Variants in SPAG6 observed in about 807,000 individuals in gnomAD.
SPAG6 encodes the protein sperm associated antigen 6, also known as sperm-associated antigen 6.
SPAG6 carries 49 observed loss-of-function variants against 58.5 expected under a neutral mutation model. The observed-to-expected ratio is 0.84, with a 90% CI of 0.67 to 1.06. The LOEUF (loss-of-function observed/expected upper bound fraction) is 1.06, where lower values mean the gene tolerates loss of function less well. Among genes scored for constraint, SPAG6 ranks in the 50% least tolerant of loss-of-function variants. The pLI is 0.00. For missense variants in SPAG6, 560 were observed against 611.3 expected (o/e 0.92, Z 0.89); for synonymous variants, 233 against 225.6 (o/e 1.03, Z -0.29).
intron 10 of SPAG6, among the ~76,000 whole-genome samples, chr10:22,414,962 C>T (rs1423629174): frequency 2.0e-5 from 3 of 152,078 alleles, no homozygotes; most frequent in Non-Finnish European, 4.4e-5. Context: ...GACGAGGTTT[C>T]GCCATGTTGG....
At chr10:22,411,995 C>G (rs563490805) in intron 10 of SPAG6, among the ~76,000 whole-genome samples, 2 of 152,062 alleles carry the variant, frequency 1.3e-5, no homozygotes, top group South Asian at 4.1e-4. Flanking sequence ...ACTACAGACG[C>G]CCGCCATCAC....
intron 8 of SPAG6, among the ~76,000 whole-genome samples, chr10:22,393,633 G>C (rs1181670218): frequency 6.6e-6 from 1 of 152,158 alleles, no homozygotes; most frequent in African/African-American, 2.4e-5. Context: ...GAAATACACT[G>C]AGTAGTAAGT....
chr10:22,407,726 AG>A (rs1438604932), intron 9 of SPAG6, among the ~76,000 whole-genome samples: 5 of 152,208 alleles, frequency 3.3e-5, no homozygotes, highest in Non-Finnish European at 5.9e-5. Flanking sequence ...AATATCCTGC[AG>A]AATGTTTTCC....
chr10:22,410,843 A>G (rs921014155), intron 9 of SPAG6, among the ~76,000 whole-genome samples, 188 bp from the exon 10 acceptor site: 1 of 152,168 alleles, frequency 6.6e-6, no homozygotes, highest in Admixed American at 6.5e-5. Context: ...CATTTCTTCA[A>G]CCTAAAAATT....
chr10:22,363,273 C>A lies in SPAG6; in HGVS notation c.122-1580C>A, dbSNP rs570895678. Among the ~76,000 whole-genome samples, 6 of 152,250 alleles carry A rather than the reference C, an allele frequency of 3.9e-5. No homozygotes were observed. In the South Asian group the frequency reaches 1.0e-3, roughly 26 times the overall value. On this transcript the variant is annotated intron_variant, in intron 2 of 10. Transcript: ENST00000376624. ...TTTAAATCCACCTTTCCTGAAATAA[C>A]CTGTGTTAACATTGAGTAGTCATGC...
intron 5 of SPAG6, among the ~76,000 whole-genome samples, chr10:22,387,471 T>C (rs954201774): frequency 1.3e-5 from 2 of 152,194 alleles, no homozygotes; most frequent in Non-Finnish European, 2.9e-5. Flanking sequence ...AAGATATTGT[T>C]CTGCTTGATG....
At chr10:22,358,133 A>G (rs1348338969) in intron 2 of SPAG6, among the ~76,000 whole-genome samples, 4 of 152,044 alleles carry the variant, frequency 2.6e-5, no homozygotes, top group African/African-American at 9.7e-5. Flanking sequence ...TGGTATTTCT[A>G]GTTCTAGATC....
chr10:22,352,939 A>G (rs1836770482), intron 2 of SPAG6, among the ~76,000 whole-genome samples: 1 of 152,206 alleles, frequency 6.6e-6, no homozygotes, highest in African/African-American at 2.4e-5. Context: ...TTTTGCTGCC[A>G]GGAAACTCAG....
chr10:22,346,430 G>GTTCTTCTTCTTCTCCTTCTTC (rs1836532472), intron 2 of SPAG6, among the ~76,000 whole-genome samples: 1 of 95,920 alleles, frequency 1.0e-5, no homozygotes, highest in Non-Finnish European at 2.2e-5. Flanking sequence ...AGAGAAAATG[G>GTTCTTCTTCTTCTCCTTCTTC]TTCTTCTTCT....
At chr10:22,380,222 T>A (rs937791563) in intron 4 of SPAG6, among the ~76,000 whole-genome samples, 1 of 152,198 alleles carries the variant, frequency 6.6e-6, no homozygotes, top group Non-Finnish European at 1.5e-5. Context: ...AAAATTTGGT[T>A]GAATGGGATG....
intron 9 of SPAG6, among the ~76,000 whole-genome samples, chr10:22,406,507 T>C (rs1431138298): frequency 6.6e-6 from 1 of 152,236 alleles, no homozygotes; most frequent in Non-Finnish European, 1.5e-5. Flanking sequence ...GAGAGACAGT[T>C]TGTTATAATT....
chr10:22,400,762 A>G (rs546486020), intron 8 of SPAG6, among the ~76,000 whole-genome samples: 3 of 152,220 alleles, frequency 2.0e-5, no homozygotes, highest in East Asian at 1.9e-4. Context: ...ACATTCTTCA[A>G]AAAACCAAAT....
intron 2 of SPAG6, among the ~76,000 whole-genome samples, chr10:22,350,515 A>G (rs1467758568): frequency 6.6e-6 from 1 of 152,238 alleles, no homozygotes; most frequent in East Asian, 1.9e-4. Context: ...GTTAAATTTT[A>G]CAGATTAAAG....
chr10:22,367,301 G>A (rs1837227388), intron 3 of SPAG6, among the ~76,000 whole-genome samples: 2 of 151,968 alleles, frequency 1.3e-5, no homozygotes, highest in African/African-American at 4.8e-5. Context: ...CTAATATTTA[G>A]AGTAAATTAG....
At position 22,346,485 on chromosome 10, in the gene SPAG6, TTCTTC is replaced by T. The variant is rs1404782470; in HGVS notation, c.121+669_121+673del. 3.4e-3 allele frequency among the ~76,000 whole-genome samples: 480 copies of T among 139,244 alleles called. 6 individuals carry two copies. The highest frequency in any genetic ancestry group is 0.014 in the African/African-American group (440 of 30,560). The allele number at this position is 139,244 out of a possible 152,430, so 91.3% of individuals were successfully genotyped here. A position where few individuals can be genotyped will look rare whatever the true frequency, so the allele number is the denominator to read the frequency against. On this transcript the variant is annotated intron_variant, in intron 2 of 10. Transcript: ENST00000376624. ...CTTCTTCTTCTTCTTCTTCTTCTTC[TTCTTC>T]TTCTTCTTTCTTCTTCTTCTTCCTC...
chr10:22,355,930 G>T (rs1385228209), intron 2 of SPAG6, among the ~76,000 whole-genome samples: 1 of 152,116 alleles, frequency 6.6e-6, no homozygotes, highest in Non-Finnish European at 1.5e-5. Flanking sequence ...TGTGAAACTT[G>T]GTTCAGTAAA....
intron 3 of SPAG6, among the ~76,000 whole-genome samples, chr10:22,367,273 C>T (rs1837226741): frequency 6.6e-6 from 1 of 151,954 alleles, no homozygotes; most frequent in African/African-American, 2.4e-5. Context: ...CTATGGAAAC[C>T]TACTTCAAAA....
chr10:22,401,104 C>A, intron 8 of SPAG6, 57 bp from the exon 9 acceptor site: 2 of 780,772 alleles, frequency 2.6e-6, no homozygotes, highest in Non-Finnish European at 4.4e-6. Context: ...GATTTGAATT[C>A]TTGTCAAGGT....
At chr10:22,374,981 A>T (rs1472689755) in intron 4 of SPAG6, among the ~76,000 whole-genome samples, 1 of 152,252 alleles carries the variant, frequency 6.6e-6, no homozygotes, top group Non-Finnish European at 1.5e-5. Context: ...GATAACGCCT[A>T]CAATTCTTTT....
Sources: allele counts gnomAD v4.1 joint callset (sites outside exome capture counted in the v4.1 genomes callset), GRCh38; gene constraint gnomAD v4.1.1; transcripts MANE v1.5; gene names NCBI Gene and HGNC (gene_info 2026-07-23, HGNC 2026-07-21).